Variants in SHROOM3 observed in about 807,000 individuals in gnomAD.
SHROOM3 encodes the protein shroom family member 3.
Under a neutral mutation model 138.6 loss-of-function variants are expected in SHROOM3, and 47 were observed. The ratio of observed to expected loss-of-function variants is 0.34; its 90% CI spans 0.27 to 0.43. The LOEUF is 0.43. SHROOM3 is among the 20% of genes least tolerant of loss of function. The pLI, the probability that SHROOM3 is intolerant of heterozygous loss-of-function variation, is 1.00. For synonymous variants in SHROOM3, 1,062 were observed against 1,063.3 expected, an observed-to-expected ratio of 1.00 and a Z score of 0.02; for missense variants, 2,491 against 2,596.5, an observed-to-expected ratio of 0.96 and a Z score of 0.88.
intron 8 of SHROOM3, chr4:76,758,396 C>T (rs1002636345): frequency 6.6e-6 from 1 of 151,260 alleles, no homozygotes; most frequent in African/African-American, 2.4e-5. Context: ...ATGTTTGCTC[C>T]GTCAGTTTAG....
At chr4:76,466,350 G>T (rs1409528785) in intron 1 of SHROOM3, among the ~76,000 whole-genome samples, 1 of 152,150 alleles carries the variant, frequency 6.6e-6, no homozygotes, top group Non-Finnish European at 1.5e-5. Context: ...CACAGAATCT[G>T]CTCCTCCATT....
At chr4:76,723,865 G>C (rs947729902) in intron 3 of SHROOM3, among the ~76,000 whole-genome samples, 2 of 152,210 alleles carry the variant, frequency 1.3e-5, no homozygotes, top group Non-Finnish European at 2.9e-5. Context: ...TATTTTTTGA[G>C]TGAATGAATG....
chr4:76,741,198 C>T lies in SHROOM3; in HGVS notation c.3025C>T (p.Arg1009Trp). 1.2e-6 allele frequency: 2 copies of T among 1,601,098 alleles called. No individual in the cohort carries two copies. Among genetic ancestry groups the T allele is most frequent in the Non-Finnish European group, 8.5e-7 (1 of 1,174,730 alleles). ...VPPAARRGAR[R>W]RLTPEQKKRS... is the part of the protein sequence containing the mutation. ...CCCTGCCGCCCGGAGAGGTGCTCGC[C>T]GGCGCCTGACTCCCGAGCAGAAGAA... Residue 1009 changes from arginine to tryptophan, a missense_variant, in exon 5 of 11, where the codon CGG becomes TGG. Around this residue, in one of 4 missense-constraint regions of SHROOM3, gnomAD observed 1,733 missense variants for 1,661.6 expected, o/e 1.04. Transcript: ENST00000296043. This position sits in a 1 kb window ranked among gnomAD's most constrained non-coding sequence, Gnocchi z 6.2.
At chr4:76,708,064 G>A (rs1014197755) in intron 2 of SHROOM3, among the ~76,000 whole-genome samples, 3 of 152,174 alleles carry the variant, frequency 2.0e-5, no homozygotes, top group Non-Finnish European at 4.4e-5. Flanking sequence ...TGGGTTTCAG[G>A]ATTCTCACAC....
At chr4:76,472,312 G>A (rs1404656086) in intron 1 of SHROOM3, among the ~76,000 whole-genome samples, 2 of 152,106 alleles carry the variant, frequency 1.3e-5, no homozygotes, top group Admixed American at 1.3e-4. Context: ...AAAATGTACT[G>A]ACTTTTCATT....
intron 1 of SHROOM3, among the ~76,000 whole-genome samples, chr4:76,483,442 A>G (rs987070146): frequency 6.6e-6 from 1 of 152,236 alleles, no homozygotes; most frequent in African/African-American, 2.4e-5. Context: ...CAAAACCACA[A>G]TGAGATACCG....
At chr4:76,728,977 T>C (rs935008525) in intron 3 of SHROOM3, among the ~76,000 whole-genome samples, 4 of 152,190 alleles carry the variant, frequency 2.6e-5, no homozygotes, top group African/African-American at 7.2e-5. Context: ...TTTACCATCC[T>C]TCTTTTTAAA....
chr4:76,697,090 T>A (rs867245272), intron 2 of SHROOM3, among the ~76,000 whole-genome samples: 29 of 149,652 alleles, frequency 1.9e-4, no homozygotes, highest in Middle Eastern at 6.8e-3. Context: ...CTAATTAATT[T>A]TTTTTTTTTT....
chr4:76,440,703 G>A (rs1380168707), intron 1 of SHROOM3, among the ~76,000 whole-genome samples: 1 of 152,126 alleles, frequency 6.6e-6, no homozygotes, highest in Non-Finnish European at 1.5e-5. Context: ...GTAGGCCACT[G>A]CCCTGGTCTC....
At chr4:76,646,098 A>G (rs186430681) in intron 2 of SHROOM3, among the ~76,000 whole-genome samples, 1 of 151,876 alleles carries the variant, frequency 6.6e-6, no homozygotes, top group Non-Finnish European at 1.5e-5. Context: ...AAGGGATAGC[A>G]TTAGGAGATA....
chr4:76,539,694 T>C (rs1219107561), intron 1 of SHROOM3, among the ~76,000 whole-genome samples: 1 of 152,214 alleles, frequency 6.6e-6, no homozygotes, highest in Non-Finnish European at 1.5e-5. Flanking sequence ...AAATAATGTG[T>C]TGAAGGTCAC....
chr4:76,462,761 C>CCTCTCT, intron 1 of SHROOM3, among the ~76,000 whole-genome samples: 1 of 150,492 alleles, frequency 6.6e-6, no homozygotes, highest in South Asian at 2.1e-4. Flanking sequence ...TCTCCCTCTC[C>CCTCTCT]CTCTCTCCCT....
chr4:76,561,393 T>G (rs1297054316), intron 2 of SHROOM3, among the ~76,000 whole-genome samples: 2 of 152,150 alleles, frequency 1.3e-5, no homozygotes, highest in African/African-American at 4.8e-5. Flanking sequence ...AATATGTATA[T>G]GCCAGGCTAT....
chr4:76,752,991 C>T (rs992537803), intron 6 of SHROOM3, among the ~76,000 whole-genome samples: 1 of 152,184 alleles, frequency 6.6e-6, no homozygotes, highest in African/African-American at 2.4e-5. Context: ...TGGAGAGCAG[C>T]TGGGCAAAGG....
Position 76,739,852 on chromosome 4 carries a change from G to C in SHROOM3, c.1679G>C (p.Cys560Ser). The change falls in exon 5 of 11, where the codon TGT becomes TCT. Residue 560 changes from cysteine to serine, a missense_variant. By Grantham distance (112) the Cys-to-Ser change is moderately radical. This residue lies in a region of SHROOM3 where 1,733 missense variants were observed against 1,661.6 expected (regional missense o/e 1.04). Transcript: ENST00000296043. ...AKYVPSKVHF[C>S]SVPENEEDAS... Reference sequence around the variant, plus strand: ...TATGTCCCCTCCAAAGTCCATTTCTGTTCAGTGCCTGAAAATGAGGAGGAT... The same window carrying C: ...TATGTCCCCTCCAAAGTCCATTTCTCTTCAGTGCCTGAAAATGAGGAGGAT... The C allele has an allele frequency of 1.9e-6, 3 of 1,614,188 alleles. No individual in the cohort carries two copies. Among genetic ancestry groups the C allele is most frequent in the Non-Finnish European group, 2.5e-6 (3 of 1,180,042 alleles).
In SHROOM3 at chr4:76,500,155, C is replaced by T. The variant is rs144738977; in HGVS notation, c.169-55454C>T. ...AGTGAGCTTGACTTTTTCTGCTAGC[C>T]GCTCCAGATCTATACCCTCCTCTTC... On this transcript the variant is annotated intron_variant, in intron 1 of 10. Transcript: ENST00000296043. Among the ~76,000 whole-genome samples, 871 of 152,272 alleles carry T rather than the reference C, an allele frequency of 5.7e-3. 9 individuals are homozygous for T. Among genetic ancestry groups the T allele is most frequent in the African/African-American group, 0.02 (827 of 41,556 alleles).
intron 1 of SHROOM3, among the ~76,000 whole-genome samples, chr4:76,524,299 C>A (rs1166731190): frequency 6.6e-6 from 1 of 152,064 alleles, no homozygotes; most frequent in Non-Finnish European, 1.5e-5. Context: ...CCTATTTCTA[C>A]TGGGATGTTG....
chr4:76,588,918 G>A (rs556037008), intron 2 of SHROOM3, among the ~76,000 whole-genome samples: 5 of 152,200 alleles, frequency 3.3e-5, no homozygotes, highest in South Asian at 4.1e-4. Context: ...AAAATCCCCA[G>A]CAGTCTTAAT....
intron 1 of SHROOM3, among the ~76,000 whole-genome samples, chr4:76,504,411 G>A (rs749767092): frequency 1.3e-5 from 2 of 152,042 alleles, no homozygotes; most frequent in Non-Finnish European, 2.9e-5. Context: ...CACCTGCCTC[G>A]GCCTCCCAAA....
Sources: gnomAD v4.1 joint callset for allele counts (sites outside exome capture counted in the v4.1 genomes callset) on GRCh38, gnomAD v4.1.1 for gene constraint, gnomAD v4.1.1 regional missense constraint, Gnocchi (gnomAD v3.1) non-coding constraint, MANE v1.5 for transcripts, NCBI Gene and HGNC (gene_info 2026-07-23, HGNC 2026-07-21) for gene names.